The following CBLN2 variants were observed in gnomAD, a reference collection of about 807,000 sequenced individuals.
CBLN2 encodes cerebellin-2.
A neutral mutation model predicts 15.0 loss-of-function variants in CBLN2; 7 were observed. The observed-to-expected ratio is 0.47, with a 90% CI of 0.27 to 0.88. CBLN2 has a LOEUF of 0.88. Ranked by LOEUF, CBLN2 falls within the 40% of genes least tolerant of loss-of-function variation. CBLN2 has a pLI of 0.14. For missense variants in CBLN2, 242 were observed against 304.5 expected (o/e 0.79, Z 1.53); for synonymous variants, 149 against 135.2 (o/e 1.10, Z -0.71).
rs370212772 is a variant in CBLN2 at position 72,598,369 on chromosome 18, T to C, written c.15+39956A>G. Among the ~76,000 whole-genome samples the C allele has an allele frequency of 3.6e-3, 547 of 152,302 alleles. 3 individuals are homozygous for C. Among genetic ancestry groups the C allele is most frequent in the African/African-American group, 0.012 (508 of 41,574 alleles). On this transcript the variant is annotated intron_variant, in intron 1 of 2. Coordinates refer to the CBLN2 transcript ENST00000581073. ...GAAGCTAGGGTCTAGAATGAGGGCC[T>C]CGGGACTCTGCCTGTTGGCCTATTC...
At chr18:72,589,100 G>A (rs1440101877) in intron 1 of CBLN2, among the ~76,000 whole-genome samples, 3 of 152,104 alleles carry the variant, frequency 2.0e-5, no homozygotes, top group Non-Finnish European at 4.4e-5. Flanking sequence ...TGGGAGGCAA[G>A]AATGGAGGCA....
chr18:72,557,230 G>A (rs966579741), intron 1 of CBLN2, among the ~76,000 whole-genome samples: 3 of 152,006 alleles, frequency 2.0e-5, no homozygotes, highest in Non-Finnish European at 4.4e-5. Flanking sequence ...GAATGAAAAT[G>A]ATAAAGCAAA....
intron 1 of CBLN2, among the ~76,000 whole-genome samples, chr18:72,552,059 A>G (rs1047542706): frequency 6.7e-6 from 1 of 149,946 alleles, no homozygotes; most frequent in Non-Finnish European, 1.5e-5. Flanking sequence ...GCGTTTTCTG[A>G]ATTTCACTGT....
At chr18:72,555,793 C>T (rs2144887062) in intron 1 of CBLN2, among the ~76,000 whole-genome samples, 1 of 152,276 alleles carries the variant, frequency 6.6e-6, no homozygotes, top group South Asian at 2.1e-4. Flanking sequence ...CTACTATGAG[C>T]TCAGCACTTT....
chr18:72,590,005 C>T (rs1016404521), intron 1 of CBLN2, among the ~76,000 whole-genome samples: 2 of 152,126 alleles, frequency 1.3e-5, no homozygotes, highest in African/African-American at 4.8e-5. Context: ...CGGTGGCTCT[C>T]GCCTGTAATC....
chr18:72,554,285 A>G (rs1378393986), intron 1 of CBLN2, among the ~76,000 whole-genome samples: 1 of 152,128 alleles, frequency 6.6e-6, no homozygotes, highest in Admixed American at 6.6e-5. Context: ...TGTTTGCAAG[A>G]AAGTGACAAG....
upstream of CBLN2, among the ~76,000 whole-genome samples, chr18:72,544,973 C>CTAATAATAATAA (rs3841257): frequency 0.023 from 3,422 of 147,214 alleles, 48 homozygotes; most frequent in African/African-American, 0.028. Context: ...TTCTGATAGG[C>CTAATAATAATAA]TAATAATAAT....
At chr18:72,590,070 A>G (rs1391507511) in intron 1 of CBLN2, among the ~76,000 whole-genome samples, 1 of 152,184 alleles carries the variant, frequency 6.6e-6, no homozygotes, top group Non-Finnish European at 1.5e-5. Context: ...GATCAAGACC[A>G]CCCTGGCTAA....
chr18:72,608,895 G>A (rs2069602208), intron 1 of CBLN2, among the ~76,000 whole-genome samples: 1 of 152,212 alleles, frequency 6.6e-6, no homozygotes. Flanking sequence ...CATGATGGCA[G>A]GCAAGGGAGC....
upstream of CBLN2, among the ~76,000 whole-genome samples, chr18:72,547,110 TCACACACA>T (rs36204454): frequency 0.18 from 26,805 of 148,296 alleles, 2,613 homozygotes; most frequent in Admixed American, 0.26. Flanking sequence ...AAAGAAAGTG[TCACACACA>T]CACACACACA....
chr18:72,591,089 C>CA (rs2069477124), intron 1 of CBLN2, among the ~76,000 whole-genome samples: 1 of 152,136 alleles, frequency 6.6e-6, no homozygotes, highest in East Asian at 1.9e-4. Flanking sequence ...TGCCAAGAGC[C>CA]AGTGTGACTG....
At chr18:72,570,253 A>T (rs1438520233) in intron 1 of CBLN2, among the ~76,000 whole-genome samples, 1 of 149,712 alleles carries the variant, frequency 6.7e-6, no homozygotes, top group African/African-American at 2.5e-5. Flanking sequence ...ACTTGTGACC[A>T]ACAGCACTGT....
intron 1 of CBLN2, among the ~76,000 whole-genome samples, chr18:72,549,898 G>T (rs535167568): frequency 6.7e-6 from 1 of 150,310 alleles, no homozygotes; most frequent in Non-Finnish European, 1.5e-5. Context: ...AAGATTTTAC[G>T]TGTTTTTGTG....
upstream of CBLN2, among the ~76,000 whole-genome samples, chr18:72,548,626 C>T (rs1428455904): frequency 6.7e-6 from 1 of 149,882 alleles, no homozygotes; most frequent in Non-Finnish European, 1.5e-5. Context: ...ATCCCCTGCA[C>T]AGAGATCAGA....
chr18:72,590,269 A>C (rs1220478163), intron 1 of CBLN2, among the ~76,000 whole-genome samples: 5 of 151,294 alleles, frequency 3.3e-5, no homozygotes, highest in Middle Eastern at 3.2e-3. Flanking sequence ...CGTCTCAAAA[A>C]AACAAAAAAC....
chr18:72,619,763 C>A (rs1220929304), intron 1 of CBLN2, among the ~76,000 whole-genome samples: 3 of 152,098 alleles, frequency 2.0e-5, no homozygotes, highest in African/African-American at 7.2e-5. Flanking sequence ...TGTTTGTTGT[C>A]CCTAGGTTAA....
rs780652811 is a variant in CBLN2, at chr18:72,543,530, TCTG to T, written c.-211-3_-211-1del. 1.7e-3 allele frequency: 665 copies of T among 398,528 alleles called. 5 individuals are homozygous for T. The highest frequency in any genetic ancestry group is 1.5e-4 in the Non-Finnish European group (34 of 226,058). The allele number at this position is 398,528 out of a possible 1,614,324, so 24.7% of individuals were successfully genotyped here. On this transcript the variant is annotated splice_acceptor_variant and splice_polypyrimidine_tract_variant and intron_variant, in intron 1 of 4. Coordinates refer to ENST00000269503, the MANE Select transcript of CBLN2 (RefSeq NM_182511.4). LOFTEE classifies it low-confidence loss of function (5UTR_SPLICE). The surrounding 1 kb of genome is among the most constrained non-coding windows in gnomAD (Gnocchi z 6.8). ...CGAGCTCCGCTGTCCGCGAAGTTGC[TCTG>T]CTTAGAGAAAATGAGGCGAGTGGGA...
intron 1 of CBLN2, among the ~76,000 whole-genome samples, chr18:72,570,492 C>T (rs2069325053): frequency 1.3e-5 from 2 of 151,804 alleles, no homozygotes; most frequent in South Asian, 4.1e-4. Context: ...AAGCAGCCCA[C>T]TCATCTCAGA....
At chr18:72,567,682 T>G (rs951150844) in intron 1 of CBLN2, among the ~76,000 whole-genome samples, 1 of 152,194 alleles carries the variant, frequency 6.6e-6, no homozygotes, top group Admixed American at 6.5e-5. Flanking sequence ...CTTCCCTCTT[T>G]CCTTTTCTCT....
Sources: gnomAD v4.1 joint callset for allele counts (sites outside exome capture counted in the v4.1 genomes callset) on GRCh38, gnomAD v4.1.1 for gene constraint, Gnocchi (gnomAD v3.1) non-coding constraint, MANE v1.5 for transcripts, NCBI Gene and HGNC (gene_info 2026-07-23, HGNC 2026-07-21) for gene names.